The following LPIN2 variants were observed in gnomAD, a reference collection of about 807,000 sequenced individuals.
LPIN2 encodes phosphatidate phosphatase LPIN2.
LPIN2 carries 55 observed loss-of-function variants against 111.4 expected under a neutral mutation model. That is an observed-to-expected ratio of 0.49 (90% CI 0.40 to 0.62). The LOEUF (loss-of-function observed/expected upper bound fraction) is 0.62. Ranked by LOEUF, LPIN2 falls within the 20% of genes least tolerant of loss-of-function variation. The probability of loss-of-function intolerance (pLI) is 0.00; values close to 1 mark genes in which losing one functional copy is unlikely to be tolerated. For synonymous variants in LPIN2, 425 were observed against 414.0 expected (o/e 1.03, Z -0.32); for missense variants, 992 against 1,112.1 (o/e 0.89, Z 1.54).
In LPIN2 at chr18:2,920,366, G is replaced by C; in HGVS notation, c.2618C>G (p.Pro873Arg). ...LLSKEQNSAF[P>R]CPEFSSFCYW... is the part of the protein sequence containing the mutation. ...GCAGAAGGAGCTGAACTCCGGGCAGGGAAAAGCGGAATTCTGCTCCTTACT... is the reference window on the plus strand; with the variant it reads ...GCAGAAGGAGCTGAACTCCGGGCAGCGAAAAGCGGAATTCTGCTCCTTACT... The change falls in exon 20 of 20, where the codon CCC (proline) becomes CGC (arginine). Residue 873 changes from proline (P) to arginine (R), a missense_variant. Physicochemically the swap from Pro to Arg is moderately radical, Grantham distance 103. Transcript: ENST00000677752. The C allele has an allele frequency of 1.2e-6, 2 of 1,614,126 alleles. No homozygotes were observed. The highest frequency in any genetic ancestry group is 1.1e-5 in the South Asian group (1 of 91,084).
rs751149031 is a variant in LPIN2, at chr18:2,954,534, A to G, written c.258T>C (p.Ala86=). Residue 86 remains alanine (A), a synonymous_variant, in exon 3 of 20, where the codon GCT becomes GCC. Transcript: ENST00000677752. ...LHMKLGDNGE[A]FFVEETEEEY... ...CTTCTTCAGTCTCCTCAACAAAGAA[A>G]GCTTCTCCGTTATCACCCAACTTCA... is the stretch of plus-strand genomic sequence containing the variant. 1.2e-6 allele frequency: 2 copies of G among 1,614,000 alleles called. No individual in the cohort carries two copies. Among genetic ancestry groups the G allele is most frequent in the South Asian group, 1.1e-5 (1 of 91,076 alleles).
chr18:3,006,797 G>A (rs147628557), intron 1 of LPIN2, among the ~76,000 whole-genome samples: 72,522 of 150,788 alleles, frequency 0.48, 19,125 homozygotes, highest in African/African-American at 0.72. Flanking sequence ...AGATCGCGCC[G>A]CTGCACTCCA....
At chr18:2,976,117 C>T (rs2078011009) in intron 1 of LPIN2, among the ~76,000 whole-genome samples, 1 of 152,202 alleles carries the variant, frequency 6.6e-6, no homozygotes, top group Non-Finnish European at 1.5e-5. Flanking sequence ...CCCCTTATTT[C>T]CCATCTCATC....
At chr18:3,012,591 AACTC>A (rs2078624347) in intron 1 of LPIN2, among the ~76,000 whole-genome samples, 1 of 152,158 alleles carries the variant, frequency 6.6e-6, no homozygotes, top group African/African-American at 2.4e-5. Flanking sequence ...AAACACCAGC[AACTC>A]GGCGGCCCCC....
intron 1 of LPIN2, among the ~76,000 whole-genome samples, chr18:2,992,521 C>T (rs2078280158): frequency 6.6e-6 from 1 of 152,144 alleles, no homozygotes; most frequent in Admixed American, 6.5e-5. Flanking sequence ...TGAAATCATA[C>T]ATTCAAAAAT....
At chr18:2,929,437 G>A (rs2144152569) in intron 9 of LPIN2, among the ~76,000 whole-genome samples, 1 of 152,118 alleles carries the variant, frequency 6.6e-6, no homozygotes, top group East Asian at 1.9e-4. Flanking sequence ...ACATACAGAT[G>A]TGGCTAGAGA....
intron 4 of LPIN2, among the ~76,000 whole-genome samples, chr18:2,941,452 G>A (rs627538): frequency 0.53 from 80,693 of 152,050 alleles, 22,318 homozygotes; most frequent in Non-Finnish European, 0.61. Context: ...TGGTTTCTCA[G>A]ATTTTCAGTT....
intron 4 of LPIN2, among the ~76,000 whole-genome samples, chr18:2,947,893 T>C (rs1243931890): frequency 1.3e-5 from 2 of 152,154 alleles, no homozygotes; most frequent in Admixed American, 6.5e-5. Context: ...CCTCAAATAA[T>C]GTCAGAGTCT....
Position 2,940,466 on chromosome 18 carries a change from T to C in LPIN2, c.698+139A>G, listed in dbSNP as rs547520407. On this transcript the variant is annotated intron_variant, in intron 5 of 19. Transcript: ENST00000677752. ...AATAATTATTGAGAGAAAAGATTCA[T>C]ATTTATGTTACAAGTAAACATTCAG... The C allele has an allele frequency of 2.9e-5, 18 of 617,672 alleles. No individual in the cohort carries two copies. The South Asian group carries it at 3.3e-4, about 11-fold the overall frequency. 38.3% of individuals were successfully genotyped at this position (617,672 alleles called of 1,614,324 possible).
chr18:2,971,747 GAAAAAA>G (rs11369729), intron 1 of LPIN2, among the ~76,000 whole-genome samples: 2 of 139,270 alleles, frequency 1.4e-5, no homozygotes, highest in East Asian at 4.1e-4. Flanking sequence ...CCATGCACTG[GAAAAAA>G]AAAAAAAAAA....
intron 2 of LPIN2, among the ~76,000 whole-genome samples, chr18:2,958,175 A>C (rs965217389): frequency 1.7e-5 from 2 of 118,148 alleles, no homozygotes; most frequent in Non-Finnish European, 3.7e-5. Flanking sequence ...AAAAAAAAAC[A>C]GAAAAAAGAA....
In LPIN2 at chr18:2,937,688, T is replaced by C. The variant is rs368340969; in HGVS notation, c.1168+4A>G. 24 of 1,613,200 alleles carry C rather than the reference T, an allele frequency of 1.5e-5. No individual in the cohort carries two copies. The African/African-American group carries it at 2.0e-4, about 13-fold the overall frequency. On this transcript the variant is annotated splice_donor_region_variant and intron_variant, in intron 7 of 19. Transcript: ENST00000677752. ...ACCTGGAGCCAAATTAAACAAACGA[T>C]TACCTTTCTTCTTTGACGGCGAGTC... is the stretch of plus-strand genomic sequence containing the variant.
intron 1 of LPIN2, among the ~76,000 whole-genome samples, chr18:3,009,611 T>C (rs1045103034): frequency 3.3e-5 from 5 of 151,768 alleles, no homozygotes; most frequent in Admixed American, 2.6e-4. Context: ...GCTAATTCTT[T>C]TGTATTTTTA....
intron 4 of LPIN2, among the ~76,000 whole-genome samples, chr18:2,947,867 G>T (rs1295167723): frequency 3.3e-5 from 5 of 152,092 alleles, no homozygotes; most frequent in African/African-American, 7.2e-5. Context: ...TGCTGTTAAT[G>T]ACCGTAAATA....
chr18:2,967,465 CG>C, intron 1 of LPIN2: 1 of 152,360 alleles, frequency 6.6e-6, no homozygotes, highest in African/African-American at 2.4e-5. Context: ...CAGCAGCTGC[CG>C]CAAGCTTCTC....
intron 14 of LPIN2, 68 bp from the exon 15 acceptor site, chr18:2,924,614 CAG>C: frequency 6.6e-7 from 1 of 1,525,990 alleles, no homozygotes; most frequent in Middle Eastern, 1.7e-4. Flanking sequence ...TAAAAATTTA[CAG>C]AACAACTGGT....
At chr18:2,943,167 ATATTGC>A (rs1279971421) in intron 4 of LPIN2, among the ~76,000 whole-genome samples, 10 of 151,670 alleles carry the variant, frequency 6.6e-5, no homozygotes, top group African/African-American at 2.4e-4. Flanking sequence ...CGGTCTGTGA[ATATTGC>A]TGTATGTAAA....
chr18:2,978,585 A>G (rs575788647), intron 1 of LPIN2, among the ~76,000 whole-genome samples: 1 of 152,258 alleles, frequency 6.6e-6, no homozygotes, highest in African/African-American at 2.4e-5. Context: ...AGGAGACAGG[A>G]CAATTCAAGG....
intron 1 of LPIN2, chr18:3,011,939 C>T (rs967177695): frequency 6.6e-6 from 1 of 152,336 alleles, no homozygotes; most frequent in African/African-American, 2.4e-5. Flanking sequence ...TCACCTGCCA[C>T]TTCTTCTCAA....
Sources: gnomAD v4.1 joint callset for allele counts (sites outside exome capture counted in the v4.1 genomes callset) on GRCh38, gnomAD v4.1.1 for gene constraint, MANE v1.5 for transcripts, NCBI Gene and HGNC (gene_info 2026-07-23, HGNC 2026-07-21) for gene names.